DLG2: variants seen among roughly 807,000 people sequenced by gnomAD.
DLG2 encodes the protein discs large MAGUK scaffold protein 2.
Under a neutral mutation model 132.5 loss-of-function variants are expected in DLG2, and 45 were observed. The observed-to-expected ratio is 0.34, with a 90% CI of 0.27 to 0.44. The LOEUF is 0.44. Among genes scored for constraint, DLG2 ranks in the 20% least tolerant of loss-of-function variants. The pLI is 1.00. For missense variants in DLG2, 1,045 were observed against 1,196.9 expected (o/e 0.87, Z 1.87); for synonymous variants, 424 against 419.6 (o/e 1.01, Z -0.13).
At chr11:85,137,855 G>C (rs1208220303) in intron 5 of DLG2, among the ~76,000 whole-genome samples, 2 of 152,056 alleles carry the variant, frequency 1.3e-5, no homozygotes, top group Admixed American at 1.3e-4. Flanking sequence ...ATGGCAAAAT[G>C]CCTGCCCTCA....
intron 6 of DLG2, among the ~76,000 whole-genome samples, chr11:84,650,889 A>ATATATATATAAATGTATATATATATATG (rs1213412507): frequency 1.4e-5 from 2 of 138,738 alleles, no homozygotes; most frequent in African/African-American, 5.1e-5. Flanking sequence ...ATATATATAT[A>ATATATATATAAATGTATATATATATATG]TATATATATA....
At chr11:84,115,456 T>C (rs991535249) in intron 9 of DLG2, among the ~76,000 whole-genome samples, 3 of 152,194 alleles carry the variant, frequency 2.0e-5, no homozygotes, top group African/African-American at 7.2e-5. Flanking sequence ...ACCCTGAGCA[T>C]TTTGGTTAAT....
intron 3 of DLG2, among the ~76,000 whole-genome samples, chr11:85,550,350 C>T (rs1473059825): frequency 1.3e-5 from 2 of 152,242 alleles, no homozygotes; most frequent in South Asian, 4.1e-4. Flanking sequence ...TTGGGAGCTG[C>T]AGGCACCCCA....
At chr11:84,827,647 T>C (rs889525201) in intron 6 of DLG2, among the ~76,000 whole-genome samples, 2 of 88,024 alleles carry the variant, frequency 2.3e-5, no homozygotes, top group Admixed American at 3.6e-4. Context: ...GGGAACATGA[T>C]AATAAGGCTG....
chr11:84,761,398 T>C (rs768658934), intron 6 of DLG2, among the ~76,000 whole-genome samples: 16 of 152,172 alleles, frequency 1.1e-4, no homozygotes, highest in Non-Finnish European at 1.9e-4. Flanking sequence ...CTTTATTGGA[T>C]TGAAGGACCT....
intron 3 of DLG2, among the ~76,000 whole-genome samples, chr11:85,454,653 TTA>T (rs1285890928): frequency 1.3e-5 from 2 of 152,200 alleles, no homozygotes; most frequent in South Asian, 2.1e-4. Flanking sequence ...TCTAGAGTTT[TTA>T]TAGTTTTAGG....
intron 6 of DLG2, among the ~76,000 whole-genome samples, chr11:84,977,619 C>T (rs1464327857): frequency 3.9e-5 from 6 of 152,136 alleles, no homozygotes; most frequent in South Asian, 4.1e-4. Context: ...AAAAACCAAA[C>T]GCTACCCTTT....
intron 6 of DLG2, among the ~76,000 whole-genome samples, chr11:84,536,307 T>C (rs2099355500): frequency 6.6e-6 from 1 of 152,114 alleles, no homozygotes. Flanking sequence ...GCCAAGACCC[T>C]ATCCAGATCA....
intron 4 of DLG2, among the ~76,000 whole-genome samples, chr11:85,161,358 C>T (rs992296020): frequency 4.1e-4 from 63 of 152,306 alleles, no homozygotes; most frequent in African/African-American, 1.5e-3. Flanking sequence ...GCTGAGCTGC[C>T]TGGTTATGGC....
At chr11:85,136,740 A>C (rs992243854) in intron 5 of DLG2, among the ~76,000 whole-genome samples, 3 of 152,178 alleles carry the variant, frequency 2.0e-5, no homozygotes, top group African/African-American at 7.2e-5. Context: ...GTTTGTTTCC[A>C]ACAGGGAAAA....
At chr11:85,134,528 CAAAAAAAAAA>C (rs58266385) in intron 5 of DLG2, among the ~76,000 whole-genome samples, 11 of 34,948 alleles carry the variant, frequency 3.1e-4, no homozygotes, top group African/African-American at 7.9e-4. Flanking sequence ...GACTCCGTCT[CAAAAAAAAAA>C]AAAAAAAAAA....
chr11:84,757,043 T>C (rs2066978026), intron 6 of DLG2, among the ~76,000 whole-genome samples: 1 of 152,214 alleles, frequency 6.6e-6, no homozygotes, highest in Non-Finnish European at 1.5e-5. Flanking sequence ...CCCTAAATGA[T>C]AATGAACTAA....
intron 6 of DLG2, among the ~76,000 whole-genome samples, chr11:84,768,424 G>A (rs573392513): frequency 1.3e-5 from 2 of 152,026 alleles, no homozygotes; most frequent in East Asian, 3.9e-4. Flanking sequence ...ACTTCAGAGT[G>A]TCACTTCAGA....
intron 21 of DLG2, among the ~76,000 whole-genome samples, chr11:83,494,510 A>G (rs2094042512): frequency 6.6e-6 from 1 of 151,412 alleles, no homozygotes; most frequent in South Asian, 2.1e-4. Context: ...TGAAGGAACA[A>G]CTACCATGTT....
At chr11:84,259,751 C>T (rs528880605) in intron 7 of DLG2, among the ~76,000 whole-genome samples, 3 of 152,124 alleles carry the variant, frequency 2.0e-5, no homozygotes, top group Non-Finnish European at 4.4e-5. Context: ...CTTGCCTGAA[C>T]TCTTAATAAT....
intron 6 of DLG2, among the ~76,000 whole-genome samples, chr11:84,665,793 C>T (rs564317182): frequency 6.6e-6 from 1 of 152,206 alleles, no homozygotes; most frequent in East Asian, 1.9e-4. Flanking sequence ...AGTCAATGTG[C>T]TTGATACCTA....
At chr11:84,878,356 A>C (rs764132550) in intron 6 of DLG2, among the ~76,000 whole-genome samples, 21 of 152,168 alleles carry the variant, frequency 1.4e-4, no homozygotes, top group Non-Finnish European at 2.9e-4. Flanking sequence ...GCACATATAC[A>C]CCATAGAATA....
chr11:84,010,619 A>G (rs2154063883), intron 11 of DLG2, among the ~76,000 whole-genome samples: 1 of 152,154 alleles, frequency 6.6e-6, no homozygotes, highest in South Asian at 2.1e-4. Flanking sequence ...GCATTTTAAT[A>G]AAACCAAAAG....
At chr11:85,416,221 A>G (rs2089833145) in intron 3 of DLG2, among the ~76,000 whole-genome samples, 1 of 149,372 alleles carries the variant, frequency 6.7e-6, no homozygotes, top group South Asian at 2.1e-4. Flanking sequence ...GTTCTGTTCC[A>G]TTAGTCTATT....
Sources: allele counts gnomAD v4.1 joint callset (sites outside exome capture counted in the v4.1 genomes callset), GRCh38; gene constraint gnomAD v4.1.1; transcripts MANE v1.5; gene names NCBI Gene and HGNC (gene_info 2026-07-23, HGNC 2026-07-21).